TSC1: variants seen among roughly 807,000 people sequenced by gnomAD.
The protein encoded by TSC1 is hamartin.
TSC1 carries 20 observed loss-of-function variants against 124.3 expected under a neutral mutation model. The observed-to-expected ratio is 0.16, with a 90% CI of 0.11 to 0.23. The LOEUF is 0.23. TSC1 is among the 10% of genes least tolerant of loss of function. The pLI is 1.00. For synonymous variants in TSC1, 493 were observed against 539.1 expected (o/e 0.91, Z 1.19); for missense variants, 1,124 against 1,448.5 (o/e 0.78, Z 3.64).
intron 8 of TSC1, among the ~76,000 whole-genome samples, chr9:132,920,248 C>T (rs1846477978): frequency 6.6e-6 from 1 of 152,168 alleles, no homozygotes; most frequent in African/African-American, 2.4e-5. Flanking sequence ...CTACTAGTGA[C>T]AAGACTGCCC....
Position 132,911,092 on chromosome 9 carries a change from T to C in TSC1, c.1051A>G (p.Met351Val), listed in dbSNP as rs781312535. ...PPQATLWSPS[M>V]VCGMTTPPTS... ...GGAGGAGTGGTCATACCACAAACCA[T>C]AGATGGGCTCCAAAGAGTAGCCTGG... Residue 351 changes from methionine to valine, a missense_variant, in exon 11 of 23, where the codon ATG becomes GTG. By Grantham distance (21) the Met-to-Val change is conservative. Around this residue, in one of 5 missense-constraint regions of TSC1, gnomAD observed 463 missense variants for 606.8 expected, o/e 0.76. Transcript: ENST00000298552. The C allele has an allele frequency of 1.0e-4, 168 of 1,614,068 alleles. No homozygotes were observed. Among genetic ancestry groups the C allele is most frequent in the East Asian group, 1.6e-4 (7 of 44,880 alleles).
intron 8 of TSC1, among the ~76,000 whole-genome samples, chr9:132,919,393 C>A (rs948736552): frequency 6.6e-6 from 1 of 152,126 alleles, no homozygotes; most frequent in African/African-American, 2.4e-5. Flanking sequence ...TAGATTCATA[C>A]CAACATACAT....
rs2132239380 is a variant in TSC1, at chr9:132,925,734, G to A, written c.216C>T (p.Leu72=). 6.2e-7 allele frequency: 1 copy of A among 1,614,192 alleles called. No homozygotes were observed. The highest frequency in any genetic ancestry group is 8.5e-7 in the Non-Finnish European group (1 of 1,180,038). Reference sequence around the variant, plus strand: ...CCACATATTCGTTAATCCTGTCCAAGAGGTGCTGAAAATGTAAAAGAACAA... The same window carrying A: ...CCACATATTCGTTAATCCTGTCCAAAAGGTGCTGAAAATGTAAAAGAACAA... ...TTLQEPHDKH[L]LDRINEYVGK... Residue 72 remains leucine, a synonymous_variant, in exon 5 of 23, where the codon CTC becomes CTT. Coordinates refer to ENST00000298552, the MANE Select transcript of TSC1 (RefSeq NM_000368.5).
At position 132,906,014 on chromosome 9, in the gene TSC1, C is replaced by G. The variant is rs1461138345; in HGVS notation, c.1564G>C (p.Ala522Pro). 32 of 1,613,838 alleles carry G rather than the reference C, an allele frequency of 2.0e-5. No homozygotes were observed. Among genetic ancestry groups the G allele is most frequent in the Non-Finnish European group, 2.6e-5 (31 of 1,179,980 alleles). ...CTGGCGCCCTGAGAACTGGAGGCTGCCGAGTGGGTCTTCCGCTGAGAACCT... is the reference window on the plus strand; with the variant it reads ...CTGGCGCCCTGAGAACTGGAGGCTGGCGAGTGGGTCTTCCGCTGAGAACCT... ...LPGSQRKTHSAASSSQGASVN... is the reference protein window; with the variant it reads ...LPGSQRKTHSPASSSQGASVN... Residue 522 changes from alanine to proline, a missense_variant, in exon 15 of 23, where the codon GCA becomes CCA. Around this residue, in one of 5 missense-constraint regions of TSC1, gnomAD observed 321 missense variants for 397.4 expected, o/e 0.81. Coordinates refer to ENST00000298552, the MANE Select transcript of TSC1 (RefSeq NM_000368.5). The surrounding 1 kb of genome is among the most constrained non-coding windows in gnomAD (Gnocchi z 4.1).
intron 1 of TSC1, among the ~76,000 whole-genome samples, chr9:132,943,231 TAA>T (rs11378053): frequency 4.9e-5 from 7 of 143,690 alleles, no homozygotes; most frequent in Admixed American, 1.4e-4. Flanking sequence ...GCTTTCTATT[TAA>T]AAAAAAAAAA....
In TSC1 at chr9:132,921,559, C is replaced by T; in HGVS notation, c.664-123G>A. 1 of 1,188,918 alleles carries T rather than the reference C, an allele frequency of 8.4e-7. No homozygotes were observed. The highest frequency in any genetic ancestry group is 1.9e-5 in the Admixed American group (1 of 52,544). 73.6% of individuals were successfully genotyped at this position (1,188,918 alleles called of 1,614,324 possible). On this transcript the variant is annotated intron_variant, in intron 7 of 22. Transcript: ENST00000298552. The surrounding 1 kb of genome is among the most constrained non-coding windows in gnomAD (Gnocchi z 4.3). ...ATACATGTTATAACACAGATGGAAC[C>T]TTGAGAACATTATACTGAGTGAAAG...
chr9:132,935,158 G>T, intron 1 of TSC1, 63 bp from the exon 2 acceptor site: 1 of 398,420 alleles, frequency 2.5e-6, no homozygotes, highest in South Asian at 1.3e-4. Flanking sequence ...AGCGGGTTAG[G>T]GGTTCATCTG....
rs2132296958 is a variant in TSC1 at position 132,928,855 on chromosome 9, A to G, written c.18T>C (p.Asn6=). 2 of 1,614,158 alleles carry G rather than the reference A, an allele frequency of 1.2e-6. No individual in the cohort carries two copies. The highest frequency in any genetic ancestry group is 1.7e-6 in the Non-Finnish European group (2 of 1,180,016). Residue 6 remains asparagine (N), a synonymous_variant, in exon 3 of 23, where the codon AAT becomes AAC. Transcript: ENST00000298552. The part of the protein sequence containing the change: MAQQA[N]VGELLAMLDS... ...CCAGCATGGCAAGAAGCTCCCCGAC[A>G]TTTGCTTGTTGGGCCATTCTCTCGC...
intron 1 of TSC1, among the ~76,000 whole-genome samples, chr9:132,940,104 C>T (rs1173885999): frequency 1.3e-5 from 2 of 152,136 alleles, no homozygotes; most frequent in Non-Finnish European, 2.9e-5. Context: ...GGTACCAGCA[C>T]AGACCGAATG....
rs768176945 is a variant in TSC1 at position 132,902,303 on chromosome 9, G to A, written c.2391+302C>T. On this transcript the variant is annotated intron_variant, in intron 18 of 22. Transcript: ENST00000298552. This position sits in a 1 kb window ranked among gnomAD's most constrained non-coding sequence, Gnocchi z 5.2. Reference sequence around the variant, plus strand: ...CAGCTACTAAGTTCTTAGGACATTCGTACTCACTAAGTTATTCAGATCTAC... The same window carrying A: ...CAGCTACTAAGTTCTTAGGACATTCATACTCACTAAGTTATTCAGATCTAC... Among the ~76,000 whole-genome samples the A allele has an allele frequency of 1.6e-4, 24 of 152,004 alleles. No individual in the cohort carries two copies. Among genetic ancestry groups the A allele is most frequent in the Non-Finnish European group, 2.9e-4 (20 of 67,988 alleles).
At chr9:132,927,521 C>CTTTTTTTTTTTTTTTT (rs57259325) in intron 3 of TSC1, among the ~76,000 whole-genome samples, 1 of 103,940 alleles carries the variant, frequency 9.6e-6, no homozygotes, top group Non-Finnish European at 1.8e-5. Flanking sequence ...TTTTTATTGC[C>CTTTTTTTTTTTTTTTT]TTTTTTTTTT....
chr9:132,920,103 A>T (rs1846467313), intron 8 of TSC1, among the ~76,000 whole-genome samples: 2 of 152,186 alleles, frequency 1.3e-5, no homozygotes, highest in Non-Finnish European at 2.9e-5. Context: ...GATGAGGGTA[A>T]GCCTTGTGTT....
chr9:132,929,006 A>G lies in TSC1; in HGVS notation c.-80-54T>C, dbSNP rs965262785. ...AAATGGCCCCATTTTTCTCCATAAA[A>G]AAAGAAAATACCTGCAAGACAAACT... On this transcript the variant is annotated intron_variant, in intron 2 of 22. Transcript: ENST00000298552. 4 of 1,470,036 alleles carry G rather than the reference A, an allele frequency of 2.7e-6. No individual in the cohort carries two copies. The African/African-American group carries it at 4.3e-5, about 16-fold the overall frequency. The allele number at this position is 1,470,036 out of a possible 1,614,324, so 91.1% of individuals were successfully genotyped here.
intron 9 of TSC1, 56 bp downstream of exon 9, chr9:132,912,222 CAAAT>C: frequency 6.2e-7 from 1 of 1,600,430 alleles, no homozygotes; most frequent in Non-Finnish European, 8.6e-7. Flanking sequence ...TCAACAAAGA[CAAAT>C]AATGTTTTCC....
chr9:132,925,312 T>C (rs1846792095), intron 5 of TSC1, among the ~76,000 whole-genome samples: 1 of 152,200 alleles, frequency 6.6e-6, no homozygotes, highest in Non-Finnish European at 1.5e-5. Context: ...GGCTAAACGA[T>C]GACGAAATCA....
chr9:132,910,824 C>T (rs1845916552), intron 11 of TSC1, 132 bp from the exon 12 acceptor site: 1 of 1,436,680 alleles, frequency 7.0e-7, no homozygotes. Flanking sequence ...CTAGATCAGT[C>T]TCTCTCTTTT....
rs1564510532 is a variant in TSC1 at position 132,935,105 on chromosome 9, G to C, written c.-143-10C>G. On this transcript the variant is annotated splice_polypyrimidine_tract_variant and intron_variant, in intron 1 of 22. Transcript: ENST00000298552. ...GTGTCTTTCATGGTCACTGAAGGAA[G>C]AAAACATATGTACAATGAAGCAAAA... is the stretch of plus-strand genomic sequence containing the variant. The C allele has an allele frequency of 1.0e-5, 4 of 398,944 alleles. No individual in the cohort carries two copies. Among genetic ancestry groups the C allele is most frequent in the Non-Finnish European group, 1.8e-5 (4 of 226,068 alleles). 24.7% of individuals were successfully genotyped at this position (398,944 alleles called of 1,614,324 possible).
At chr9:132,908,901 C>CTTTTTTTTGTTTTTTTTTTTTTTTTTTT (rs1845802075) in intron 12 of TSC1, among the ~76,000 whole-genome samples, 1 of 121,546 alleles carries the variant, frequency 8.2e-6, no homozygotes, top group Non-Finnish European at 1.7e-5. Context: ...CTACCTTGCA[C>CTTTTTTTTGTTTTTTTTTTTTTTTTTTT]TTTTTTTTTT....
Position 132,921,226 on chromosome 9 carries a change from T to C in TSC1, c.737+137A>G. 1 of 880,574 alleles carries C rather than the reference T, an allele frequency of 1.1e-6. No homozygotes were observed. Among genetic ancestry groups the C allele is most frequent in the Non-Finnish European group, 1.8e-6 (1 of 542,590 alleles). 54.5% of individuals were successfully genotyped at this position (880,574 alleles called of 1,614,324 possible). ...TTTAAACTCACACAAATTTTAGCTGTATGAGTGCTTCCAAGTGGACTGATT... is the reference window on the plus strand; with the variant it reads ...TTTAAACTCACACAAATTTTAGCTGCATGAGTGCTTCCAAGTGGACTGATT... On this transcript the variant is annotated intron_variant, in intron 8 of 22. Transcript: ENST00000298552. This position sits in a 1 kb window ranked among gnomAD's most constrained non-coding sequence, Gnocchi z 4.3.
Sources: allele counts gnomAD v4.1 joint callset (sites outside exome capture counted in the v4.1 genomes callset), GRCh38; gene constraint gnomAD v4.1.1; regional missense constraint gnomAD v4.1.1; non-coding constraint Gnocchi (gnomAD v3.1); transcripts MANE v1.5; gene names NCBI Gene and HGNC (gene_info 2026-07-23, HGNC 2026-07-21).